Variants in CCM2 observed in about 807,000 individuals in gnomAD.
CCM2 encodes the protein CCM2 scaffold protein, also known as cerebral cavernous malformations 2 protein.
Under a neutral mutation model 44.9 loss-of-function variants are expected in CCM2, and 25 were observed. The ratio of observed to expected loss-of-function variants is 0.56; its 90% CI spans 0.41 to 0.78. CCM2 has a LOEUF of 0.78. CCM2 is among the 30% of genes least tolerant of loss of function. The pLI is 0.00. For missense variants in CCM2, 481 were observed against 580.6 expected (o/e 0.83, Z 1.76); for synonymous variants, 219 against 241.1 (o/e 0.91, Z 0.85).
intron 1 of CCM2, among the ~76,000 whole-genome samples, chr7:45,000,826 ATTGATTGAT>A (rs1562849177): frequency 2.0e-5 from 3 of 152,180 alleles, no homozygotes; most frequent in Admixed American, 2.0e-4. Flanking sequence ...ACCTAAAACC[ATTGATTGAT>A]TTTAGTGACG....
intron 9 of CCM2, 144 bp downstream of exon 9, chr7:45,074,552 G>A (rs1799252172): frequency 2.7e-6 from 2 of 745,352 alleles, no homozygotes; most frequent in Non-Finnish European, 4.8e-6. Flanking sequence ...GATGGCATGA[G>A]AGCAGAGTCC....
At chr7:45,014,375 G>A (rs1409131629) in intron 1 of CCM2, among the ~76,000 whole-genome samples, 4 of 152,048 alleles carry the variant, frequency 2.6e-5, no homozygotes, top group Admixed American at 6.6e-5. Context: ...TCCTGACCTC[G>A]TGATCCGCCC....
intron 1 of CCM2, among the ~76,000 whole-genome samples, chr7:45,006,845 G>A (rs1795866480): frequency 6.6e-6 from 1 of 152,150 alleles, no homozygotes. Context: ...CCTTGATCTT[G>A]GACTTTCAGC....
intron 1 of CCM2, among the ~76,000 whole-genome samples, chr7:45,024,263 C>A (rs1234758691): frequency 6.6e-6 from 1 of 152,206 alleles, no homozygotes; most frequent in Non-Finnish European, 1.5e-5. Flanking sequence ...CTTCTGGCAT[C>A]ACCATTCAGC....
At chr7:45,063,860 T>G in intron 2 of CCM2, 58 bp from the exon 3 acceptor site, 1 of 1,119,786 alleles carries the variant, frequency 8.9e-7, no homozygotes, top group Non-Finnish European at 1.4e-6. Context: ...GTGGTAGTGA[T>G]GGTGGTGTTG....
At chr7:45,061,262 C>G (rs988310876) in intron 2 of CCM2, among the ~76,000 whole-genome samples, 2 of 152,040 alleles carry the variant, frequency 1.3e-5, no homozygotes, top group Admixed American at 6.5e-5. Flanking sequence ...GTCCCTGGGC[C>G]GTGGCCTTCA....
intron 8 of CCM2, 175 bp from the exon 9 acceptor site, chr7:45,074,095 C>T: frequency 7.0e-7 from 1 of 1,423,064 alleles, no homozygotes; most frequent in South Asian, 1.4e-5. Flanking sequence ...TGGCCCCGTG[C>T]CAGGTCTGGT....
intron 5 of CCM2, among the ~76,000 whole-genome samples, chr7:45,069,016 G>A (rs1798924777): frequency 6.6e-6 from 1 of 152,246 alleles, no homozygotes. Context: ...CCTGCCTGGT[G>A]TTAAGGACTG....
intron 6 of CCM2, chr7:45,071,541 G>A: frequency 3.1e-6 from 1 of 320,590 alleles, no homozygotes; most frequent in South Asian, 2.5e-5. Context: ...CTACAGCTAT[G>A]CCAAAACATA....
At chr7:45,021,839 C>G (rs1796494686) in intron 1 of CCM2, among the ~76,000 whole-genome samples, 1 of 152,112 alleles carries the variant, frequency 6.6e-6, no homozygotes, top group Non-Finnish European at 1.5e-5. Context: ...GCTGTTGAAG[C>G]TGTCTTCTCA....
At chr7:45,026,233 A>G (rs1796684901) in intron 1 of CCM2, among the ~76,000 whole-genome samples, 1 of 152,172 alleles carries the variant, frequency 6.6e-6, no homozygotes, top group Non-Finnish European at 1.5e-5. Context: ...GAGCAATCTG[A>G]AATTGTGACT....
rs528533098 is a variant in CCM2, at chr7:45,055,545, TG to T, written c.205-8370del. 2.2e-3 allele frequency among the ~76,000 whole-genome samples: 337 copies of T among 152,120 alleles called. 2 individuals are homozygous for T. The highest frequency in any genetic ancestry group is 7.6e-3 in the African/African-American group (316 of 41,502). On this transcript the variant is annotated intron_variant, in intron 2 of 9. Coordinates refer to ENST00000258781, the MANE Select transcript of CCM2 (RefSeq NM_031443.4). ...CTACTAAAAATACAAAAAAATTAGC[TG>T]GGTGTGGTGACGGGTGCCCGTAATC... is the stretch of plus-strand genomic sequence containing the variant.
intron 1 of CCM2, among the ~76,000 whole-genome samples, chr7:45,002,207 C>T (rs935710686): frequency 1.3e-5 from 2 of 152,204 alleles, no homozygotes; most frequent in East Asian, 1.9e-4. Context: ...ACATAAGTAG[C>T]AGAAGTGCTG....
chr7:45,062,651 A>G (rs894917634), intron 2 of CCM2, among the ~76,000 whole-genome samples: 4 of 152,136 alleles, frequency 2.6e-5, no homozygotes, highest in African/African-American at 9.7e-5. Context: ...CCTGGGCTAC[A>G]TGGCAAAACC....
intron 1 of CCM2, among the ~76,000 whole-genome samples, chr7:45,028,355 C>T (rs1796786906): frequency 6.6e-6 from 1 of 152,062 alleles, no homozygotes; most frequent in African/African-American, 2.4e-5. Flanking sequence ...AGCTCTGGTT[C>T]CCCTTGAAAT....
chr7:45,056,768 G>A (rs562931947), intron 2 of CCM2, among the ~76,000 whole-genome samples: 4 of 152,164 alleles, frequency 2.6e-5, no homozygotes, highest in African/African-American at 4.8e-5. Flanking sequence ...CCATACTGTG[G>A]GTTTTTTCAC....
In CCM2 at chr7:45,000,292, C is replaced by T; in HGVS notation, c.-42C>T. 1.6e-6 allele frequency: 2 copies of T among 1,219,868 alleles called. No homozygotes were observed. The highest frequency in any genetic ancestry group is 2.1e-6 in the Non-Finnish European group (2 of 973,612). 75.6% of individuals were successfully genotyped at this position (1,219,868 alleles called of 1,614,324 possible). Reference sequence around the variant, plus strand: ...GTAGCGGCTGCTGGCGGCGGGGCTCCCGGGGCGGGCCGGGCGGGCCGCGGG... The same window carrying T: ...GTAGCGGCTGCTGGCGGCGGGGCTCTCGGGGCGGGCCGGGCGGGCCGCGGG... On this transcript the variant is annotated 5_prime_UTR_variant, in exon 1 of 10. Coordinates refer to ENST00000258781, the MANE Select transcript of CCM2 (RefSeq NM_031443.4).
rs1214003375 is a variant in CCM2, at chr7:45,038,355, G to A, written c.133G>A (p.Val45Met). The change falls in exon 2 of 10, where the codon GTG becomes ATG. Residue 45 changes from valine (V) to methionine (M), a missense_variant. By Grantham distance (21) the Val-to-Met change is conservative. Coordinates refer to ENST00000258781, the MANE Select transcript of CCM2 (RefSeq NM_031443.4). ...KVTERRPLHT[V>M]VLSLPERVEP... ...GACAGAGAGGCGCCCTCTGCACACT[G>A]TGGTGTTGTCATTGCCTGAGCGCGT... 1 of 1,614,196 alleles carries A rather than the reference G, an allele frequency of 6.2e-7. No homozygotes were observed.
At chr7:45,062,026 A>G (rs924462898) in intron 2 of CCM2, among the ~76,000 whole-genome samples, 6 of 152,148 alleles carry the variant, frequency 3.9e-5, no homozygotes, top group South Asian at 2.1e-4. Flanking sequence ...TCTGCCCCGC[A>G]ATGAGCTGTG....
Sources: allele counts gnomAD v4.1 joint callset (sites outside exome capture counted in the v4.1 genomes callset), GRCh38; gene constraint gnomAD v4.1.1; transcripts MANE v1.5; gene names NCBI Gene and HGNC (gene_info 2026-07-23, HGNC 2026-07-21).